UBE2D3: variants seen among roughly 807,000 people sequenced by gnomAD.
The protein encoded by UBE2D3 is ubiquitin-conjugating enzyme E2 D3.
In UBE2D3, 2 loss-of-function variants were observed where a neutral mutation model predicts 22.8. The observed-to-expected ratio is 0.09, with a 90% CI of 0.04 to 0.28. The LOEUF (loss-of-function observed/expected upper bound fraction) is 0.28. Ranked by LOEUF, UBE2D3 falls within the 10% of genes least tolerant of loss-of-function variation. The pLI is 1.00. For missense variants in UBE2D3, 27 were observed against 182.5 expected, an observed-to-expected ratio of 0.15 and a Z score of 4.91; for synonymous variants, 56 against 60.4, an observed-to-expected ratio of 0.93 and a Z score of 0.34.
At chr4:102,802,814 T>A (rs1329472284) in intron 4 of UBE2D3, 176 bp from the exon 5 acceptor site, 3 of 427,054 alleles carry the variant, frequency 7.0e-6, no homozygotes, top group Non-Finnish European at 1.2e-5. Context: ...TTAAAACTTA[T>A]ACAGTAATAA....
intron 1 of UBE2D3, among the ~76,000 whole-genome samples, chr4:102,836,399 A>G (rs957894169): frequency 6.6e-6 from 1 of 152,080 alleles, no homozygotes; most frequent in Non-Finnish European, 1.5e-5. Context: ...CACTCAGCTC[A>G]GCCTCCCAAA....
At chr4:102,809,750 A>T (rs747020931) in intron 3 of UBE2D3, 42 bp downstream of exon 3, 2 of 1,594,942 alleles carry the variant, frequency 1.3e-6, no homozygotes, top group South Asian at 2.2e-5. Flanking sequence ...GCACAAGCTT[A>T]AAAAAAAATT....
intron 1 of UBE2D3, among the ~76,000 whole-genome samples, chr4:102,851,472 A>C (rs1279715861): frequency 6.6e-6 from 1 of 152,212 alleles, no homozygotes; most frequent in African/African-American, 2.4e-5. Context: ...AGAATAAATC[A>C]TGTTGTTTTA....
intron 1 of UBE2D3, among the ~76,000 whole-genome samples, chr4:102,859,708 T>C (rs1732788504): frequency 6.6e-6 from 1 of 151,862 alleles, no homozygotes; most frequent in African/African-American, 2.4e-5. Context: ...ATTTTTCCTC[T>C]TTGTTCCTTT....
intron 1 of UBE2D3, among the ~76,000 whole-genome samples, chr4:102,849,364 C>CA (rs55874314): frequency 0.24 from 14,914 of 62,664 alleles, 1,687 homozygotes; most frequent in African/African-American, 0.25. Flanking sequence ...ACCCCTGTCT[C>CA]AAAAAAAAAA....
chr4:102,827,584 C>G, upstream of UBE2D3: 1 of 985,258 alleles, frequency 1.0e-6, no homozygotes, highest in Non-Finnish European at 1.2e-6. Context: ...CCCTCCCCCT[C>G]CTCCTGCCTC....
intron 2 of UBE2D3, among the ~76,000 whole-genome samples, 185 bp downstream of exon 2, chr4:102,826,300 T>C (rs1730485064): frequency 6.6e-6 from 1 of 152,190 alleles, no homozygotes; most frequent in Non-Finnish European, 1.5e-5. Flanking sequence ...GCCACAAGTG[T>C]TCTCCGTTTC....
chr4:102,859,749 A>G (rs960850838), intron 1 of UBE2D3, among the ~76,000 whole-genome samples: 2 of 151,690 alleles, frequency 1.3e-5, no homozygotes, highest in Admixed American at 6.6e-5. Flanking sequence ...TCTGTCTTCA[A>G]GTTCATTGAT....
chr4:102,801,418 A>C (rs763061333), intron 6 of UBE2D3, 36 bp downstream of exon 6: 1 of 1,541,664 alleles, frequency 6.5e-7, no homozygotes, highest in South Asian at 1.1e-5. Context: ...GCTTTATTAG[A>C]CAATGAGAAC....
At chr4:102,844,131 CA>C (rs1437646394) in intron 1 of UBE2D3, 1 of 152,192 alleles carries the variant, frequency 6.6e-6, no homozygotes, top group Non-Finnish European at 1.5e-5. Flanking sequence ...TTTATATTGT[CA>C]TTCTCTATGA....
intron 7 of UBE2D3, among the ~76,000 whole-genome samples, chr4:102,798,665 T>C (rs539916090): frequency 2.0e-5 from 3 of 150,570 alleles, no homozygotes; most frequent in Non-Finnish European, 4.4e-5. Flanking sequence ...CCATGATAGT[T>C]TGAAAAAAAA....
At chr4:102,803,439 A>G (rs1726518572) in intron 4 of UBE2D3, among the ~76,000 whole-genome samples, 1 of 152,224 alleles carries the variant, frequency 6.6e-6, no homozygotes, top group Admixed American at 6.5e-5. Context: ...ATACAGCTAT[A>G]TATGAGCCTT....
At chr4:102,860,058 A>T (rs906598818) in intron 1 of UBE2D3, among the ~76,000 whole-genome samples, 6 of 152,228 alleles carry the variant, frequency 3.9e-5, no homozygotes, top group African/African-American at 1.4e-4. Context: ...CATGTTAGCC[A>T]GGATGGTCTC....
chr4:102,817,160 C>G (rs1728890082), intron 2 of UBE2D3, among the ~76,000 whole-genome samples: 1 of 152,154 alleles, frequency 6.6e-6, no homozygotes, highest in Non-Finnish European at 1.5e-5. Flanking sequence ...TTTGCCAGAA[C>G]AAATACTGCA....
At chr4:102,827,635 G>GC (rs1214315339), upstream of UBE2D3, 20 of 986,642 alleles carry the variant, frequency 2.0e-5, no homozygotes, top group Non-Finnish European at 2.2e-5. Context: ...GCCGTCCCGA[G>GC]CACAAGACCG....
upstream of UBE2D3, among the ~76,000 whole-genome samples, chr4:102,830,739 G>A (rs1285095847): frequency 2.6e-5 from 4 of 152,256 alleles, no homozygotes; most frequent in South Asian, 2.1e-4. Context: ...GGTGGTACAC[G>A]CCTATGGTCC....
At chr4:102,861,408 A>G (rs1732893845) in intron 1 of UBE2D3, among the ~76,000 whole-genome samples, 1 of 152,016 alleles carries the variant, frequency 6.6e-6, no homozygotes, top group African/African-American at 2.4e-5. Context: ...TAATCTGAAT[A>G]GTATTATTTC....
At chr4:102,820,057 G>GT (rs1729355879) in intron 2 of UBE2D3, among the ~76,000 whole-genome samples, 1 of 152,314 alleles carries the variant, frequency 6.6e-6, no homozygotes, top group Non-Finnish European at 1.5e-5. Flanking sequence ...AACAAAGGGA[G>GT]TAAGTGCCTT....
At chr4:102,817,226 G>A (rs2110303992) in intron 2 of UBE2D3, among the ~76,000 whole-genome samples, 1 of 152,300 alleles carries the variant, frequency 6.6e-6, no homozygotes, top group East Asian at 1.9e-4. Flanking sequence ...AGCTAAAAAG[G>A]CAGGTTATGA....
Sources: gnomAD v4.1 joint callset for allele counts (sites outside exome capture counted in the v4.1 genomes callset) on GRCh38, gnomAD v4.1.1 for gene constraint, MANE v1.5 for transcripts, NCBI Gene and HGNC (gene_info 2026-07-23, HGNC 2026-07-21) for gene names.